The following CLEC2A variants were observed in gnomAD, a reference collection of about 807,000 sequenced individuals.
CLEC2A encodes the protein C-type lectin domain family 2 member A.
In CLEC2A, 19 loss-of-function variants were observed where a neutral mutation model predicts 18.6. The observed-to-expected ratio is 1.02, with a 90% CI of 0.71 to 1.50. The LOEUF is 1.50. CLEC2A is among the 40% of genes most tolerant of loss of function. The pLI, the probability that CLEC2A is intolerant of heterozygous loss-of-function variation, is 0.00. For missense variants in CLEC2A, 190 were observed against 207.9 expected, an observed-to-expected ratio of 0.91 and a Z score of 0.53; for synonymous variants, 74 against 64.0, an observed-to-expected ratio of 1.16 and a Z score of -0.75.
At chr12:9,926,032 C>T (rs547982717) in intron 2 of CLEC2A, among the ~76,000 whole-genome samples, 9 of 152,294 alleles carry the variant, frequency 5.9e-5, no homozygotes, top group African/African-American at 2.2e-4. Flanking sequence ...TTTTCTTAAG[C>T]ATCAAGGACT....
chr12:9,890,717 T>C, the CLEC2A span, among the ~76,000 whole-genome samples: 2 of 152,230 alleles, frequency 1.3e-5, no homozygotes, highest in African/African-American at 4.8e-5. Flanking sequence ...GACTCTTCTT[T>C]TGTTTTCAAA....
At chr12:9,900,811 C>T (rs1862815951) in intron 4 of CLEC2A, among the ~76,000 whole-genome samples, 1 of 152,154 alleles carries the variant, frequency 6.6e-6, no homozygotes, top group Non-Finnish European at 1.5e-5. Context: ...AGATTGACTC[C>T]TTAAAGGCAA....
At chr12:9,894,176 T>C (rs1455383107), downstream of CLEC2A, among the ~76,000 whole-genome samples, 1 of 150,734 alleles carries the variant, frequency 6.6e-6, no homozygotes, top group Non-Finnish European at 1.5e-5. Context: ...TCTTTGTTTC[T>C]TTCTTTCTTT....
At chr12:9,910,256 C>G (rs111558776), downstream of CLEC2A, among the ~76,000 whole-genome samples, 226 of 152,290 alleles carry the variant, frequency 1.5e-3, no homozygotes, top group African/African-American at 5.3e-3. Context: ...AATCCCTAGG[C>G]AACTATCAGG....
chr12:9,893,960 A>G (rs1474590786), downstream of CLEC2A, among the ~76,000 whole-genome samples: 3 of 152,156 alleles, frequency 2.0e-5, no homozygotes. Flanking sequence ...ATCAGAAAAC[A>G]TGAATTTAAA....
the CLEC2A span, among the ~76,000 whole-genome samples, chr12:9,889,465 A>ACT: frequency 6.6e-6 from 1 of 152,140 alleles, no homozygotes; most frequent in Admixed American, 6.6e-5. Context: ...AGTCTTAGAA[A>ACT]AACTGCTGAG....
chr12:9,927,909 C>G (rs1490795397), intron 1 of CLEC2A, among the ~76,000 whole-genome samples: 1 of 151,408 alleles, frequency 6.6e-6, no homozygotes, highest in African/African-American at 2.4e-5. Flanking sequence ...AAATTTCAGA[C>G]ACCCAAAATA....
At chr12:9,881,415 A>C in the CLEC2A span, 3 of 533,144 alleles carry the variant, frequency 5.6e-6, no homozygotes, top group Middle Eastern at 4.1e-4. Context: ...ATCCATTTTC[A>C]TTTACCAACA....
At chr12:9,878,157 G>C in the CLEC2A span, among the ~76,000 whole-genome samples, 1 of 152,066 alleles carries the variant, frequency 6.6e-6, no homozygotes, top group African/African-American at 2.4e-5. Flanking sequence ...ATGATAATCT[G>C]GTATGGGTGT....
chr12:9,886,151 G>A, the CLEC2A span, among the ~76,000 whole-genome samples: 1 of 152,076 alleles, frequency 6.6e-6, no homozygotes, highest in Non-Finnish European at 1.5e-5. Flanking sequence ...TGAATTACTA[G>A]TAGTAAAAAT....
chr12:9,922,422 A>G (rs1463880008), intron 2 of CLEC2A, among the ~76,000 whole-genome samples, 190 bp from the exon 3 acceptor site: 1 of 152,188 alleles, frequency 6.6e-6, no homozygotes, highest in Admixed American at 6.5e-5. Context: ...CAAGCAGTGC[A>G]TACTTTTTTC....
chr12:9,881,784 C>A, the CLEC2A span: 2 of 758,312 alleles, frequency 2.6e-6, no homozygotes, highest in South Asian at 1.9e-5. Context: ...TAAAAATGGT[C>A]ATAAATTGTC....
At chr12:9,888,536 T>C in the CLEC2A span, among the ~76,000 whole-genome samples, 1 of 151,948 alleles carries the variant, frequency 6.6e-6, no homozygotes, top group Non-Finnish European at 1.5e-5. Flanking sequence ...AATTGTGATT[T>C]GCACTTAAAG....
the CLEC2A span, among the ~76,000 whole-genome samples, chr12:9,891,790 T>C: frequency 6.6e-6 from 1 of 152,204 alleles, no homozygotes; most frequent in Non-Finnish European, 1.5e-5. Context: ...AATAACCTTC[T>C]TCAAATTATA....
chr12:9,893,248 G>A, the CLEC2A span: 3 of 1,305,522 alleles, frequency 2.3e-6, no homozygotes, highest in Non-Finnish European at 2.1e-6. Flanking sequence ...AGCTTGGGAG[G>A]TTTATTGTCG....
At chr12:9,912,854 T>C (rs988935263), downstream of CLEC2A, among the ~76,000 whole-genome samples, 5 of 152,210 alleles carry the variant, frequency 3.3e-5, no homozygotes, top group Admixed American at 6.5e-5. Context: ...GCTTCCCACC[T>C]GCCTGTCTCA....
At chr12:9,887,261 T>A in the CLEC2A span, among the ~76,000 whole-genome samples, 236 of 151,994 alleles carry the variant, frequency 1.6e-3, 1 homozygote, top group Non-Finnish European at 2.8e-3. Flanking sequence ...AAACAGATAA[T>A]ACATAGAAAG....
intron 3 of CLEC2A, among the ~76,000 whole-genome samples, chr12:9,917,275 C>G (rs1863087912): frequency 6.6e-6 from 1 of 152,102 alleles, no homozygotes; most frequent in Admixed American, 6.5e-5. Flanking sequence ...CAGAGGTAGA[C>G]TTGTGTCATG....
At chr12:9,891,205 T>A in the CLEC2A span, among the ~76,000 whole-genome samples, 1 of 152,214 alleles carries the variant, frequency 6.6e-6, no homozygotes, top group Non-Finnish European at 1.5e-5. Flanking sequence ...GAAACCTGCC[T>A]GGCCCACGAC....
Sources: gnomAD v4.1 joint callset for allele counts (sites outside exome capture counted in the v4.1 genomes callset) on GRCh38, gnomAD v4.1.1 for gene constraint, MANE v1.5 for transcripts, NCBI Gene and HGNC (gene_info 2026-07-23, HGNC 2026-07-21) for gene names.